The following NMNAT3 variants were observed in gnomAD, a reference collection of about 807,000 sequenced individuals.
The protein encoded by NMNAT3 is nicotinamide nucleotide adenylyltransferase 3.
Under a neutral mutation model 24.8 loss-of-function variants are expected in NMNAT3, and 21 were observed. The ratio of observed to expected loss-of-function variants is 0.85; its 90% CI spans 0.60 to 1.22. NMNAT3 has a LOEUF of 1.22. Ranked by LOEUF, NMNAT3 falls within the 50% of genes most tolerant of loss-of-function variation. NMNAT3 has a pLI of 0.00. For missense variants in NMNAT3, 387 were observed against 436.6 expected (o/e 0.89, Z 1.01); for synonymous variants, 136 against 155.2 (o/e 0.88, Z 0.92).
chr3:139,596,135 A>C (rs2054443992), intron 3 of NMNAT3, among the ~76,000 whole-genome samples: 1 of 152,256 alleles, frequency 6.6e-6, no homozygotes, highest in South Asian at 2.1e-4. Flanking sequence ...TTTTTCTCTG[A>C]CGAGTCAGCC....
intron 3 of NMNAT3, among the ~76,000 whole-genome samples, chr3:139,605,995 ATATTT>A (rs2054925891): frequency 6.6e-6 from 1 of 151,800 alleles, no homozygotes; most frequent in African/African-American, 2.4e-5. Context: ...GTAATTCTAC[ATATTT>A]TATTTTTAAA....
intron 3 of NMNAT3, among the ~76,000 whole-genome samples, chr3:139,593,993 A>G (rs1431443798): frequency 6.6e-6 from 1 of 151,690 alleles, no homozygotes; most frequent in African/African-American, 2.4e-5. Flanking sequence ...GAGACACAAA[A>G]AACCCTTCAA....
intron 3 of NMNAT3, among the ~76,000 whole-genome samples, chr3:139,623,857 G>C (rs1360037756): frequency 1.3e-5 from 2 of 152,164 alleles, no homozygotes; most frequent in African/African-American, 4.8e-5. Context: ...CTGGACAGGT[G>C]TGAACCACCA....
At chr3:139,677,135 G>A (rs1160046121) in intron 1 of NMNAT3, among the ~76,000 whole-genome samples, 3 of 152,166 alleles carry the variant, frequency 2.0e-5, no homozygotes, top group Admixed American at 1.3e-4. Context: ...TAAAGTTTTA[G>A]TTCCAGCAGC....
intron 3 of NMNAT3, among the ~76,000 whole-genome samples, chr3:139,595,166 AACAG>A (rs1301426774): frequency 6.6e-6 from 1 of 152,214 alleles, no homozygotes; most frequent in African/African-American, 2.4e-5. Flanking sequence ...ATACACCAGC[AACAG>A]ACAAACAGAG....
At chr3:139,610,635 T>G (rs2108254381) in intron 3 of NMNAT3, among the ~76,000 whole-genome samples, 1 of 152,330 alleles carries the variant, frequency 6.6e-6, no homozygotes, top group East Asian at 1.9e-4. Context: ...AGCCCAAGAT[T>G]AAAGCAACAT....
intron 6 of NMNAT3, chr3:139,571,174 T>C: frequency 1.3e-5 from 2 of 152,400 alleles, no homozygotes; most frequent in Non-Finnish European, 2.9e-5. Flanking sequence ...TCTCCTGGTG[T>C]GCCGTTTTTT....
At chr3:139,664,710 T>G (rs2057522104) in intron 1 of NMNAT3, among the ~76,000 whole-genome samples, 1 of 152,212 alleles carries the variant, frequency 6.6e-6, no homozygotes, top group Admixed American at 6.5e-5. Flanking sequence ...TTCAGTGAAG[T>G]TTCTCTTCCT....
intron 1 of NMNAT3, among the ~76,000 whole-genome samples, chr3:139,669,055 T>C (rs988070827): frequency 3.3e-5 from 5 of 152,244 alleles, no homozygotes; most frequent in African/African-American, 1.2e-4. Context: ...GTATGGCCTT[T>C]ATTTGTAGTG....
chr3:139,655,359 C>CTCAGG lies in NMNAT3; in HGVS notation c.-140-17302_-140-17298dup, dbSNP rs979632506. ...GGTCCCCTGAACAAGCTGAGCAGCTCTCAGGGATGCTTTCCTTTATTCACT... is the reference window on the plus strand; with the variant it reads ...GGTCCCCTGAACAAGCTGAGCAGCTCTCAGGTCAGGGATGCTTTCCTTTATTCACT... On this transcript the variant is annotated intron_variant, in intron 1 of 6. Coordinates refer to ENST00000643695, the MANE Select transcript of NMNAT3 (RefSeq NM_001320510.2). 5.7e-4 allele frequency among the ~76,000 whole-genome samples: 87 copies of CTCAGG among 152,300 alleles called. 1 individual carries two copies. The highest frequency in any genetic ancestry group is 2.0e-3 in the African/African-American group (84 of 41,556).
At chr3:139,653,459 T>C (rs1036341232) in intron 1 of NMNAT3, among the ~76,000 whole-genome samples, 2 of 152,234 alleles carry the variant, frequency 1.3e-5, no homozygotes, top group African/African-American at 2.4e-5. Context: ...ACCTACTCTT[T>C]CCTTTTATAC....
intron 1 of NMNAT3, among the ~76,000 whole-genome samples, chr3:139,647,802 T>C (rs899474183): frequency 6.6e-6 from 1 of 151,536 alleles, no homozygotes; most frequent in African/African-American, 2.4e-5. Flanking sequence ...TTCGAACTTT[T>C]GGCCTCCAAA....
intron 3 of NMNAT3, among the ~76,000 whole-genome samples, chr3:139,591,801 C>T (rs557050415): frequency 0.025 from 3,853 of 152,268 alleles, 93 homozygotes; most frequent in African/African-American, 0.086. Context: ...AGGACATCCA[C>T]ACCAAAAACC....
chr3:139,638,144 T>C (rs549163618), intron 1 of NMNAT3, 82 bp from the exon 2 acceptor site: 1 of 152,338 alleles, frequency 6.6e-6, no homozygotes, highest in African/African-American at 2.4e-5. Flanking sequence ...GCCTTCAAAA[T>C]GTGGTACTTC....
At chr3:139,571,856 T>G (rs1216250088) in intron 6 of NMNAT3, among the ~76,000 whole-genome samples, 1 of 152,152 alleles carries the variant, frequency 6.6e-6, no homozygotes, top group Non-Finnish European at 1.5e-5. Context: ...AGGTGAAGTG[T>G]GCGAGGATGG....
intron 3 of NMNAT3, among the ~76,000 whole-genome samples, chr3:139,593,399 C>A (rs1378483213): frequency 6.6e-6 from 1 of 152,080 alleles, no homozygotes; most frequent in Non-Finnish European, 1.5e-5. Flanking sequence ...TTAGACAGAT[C>A]AACGAGACAG....
chr3:139,596,916 GTATA>G (rs58824425), intron 3 of NMNAT3, among the ~76,000 whole-genome samples: 1,274 of 96,874 alleles, frequency 0.013, 50 homozygotes, highest in African/African-American at 0.025. Context: ...TGTCATGTGT[GTATA>G]TATATATATA....
chr3:139,560,738 C>A lies in NMNAT3; in HGVS notation c.*272G>T. Reference sequence around the variant, plus strand: ...ACACAAAATAAGTAGACCTCCTTGTCCAGCAGCTCTGAGAGATTCTGCCTA... The same window carrying A: ...ACACAAAATAAGTAGACCTCCTTGTACAGCAGCTCTGAGAGATTCTGCCTA... On this transcript the variant is annotated 3_prime_UTR_variant, in exon 7 of 7. Transcript: ENST00000643695. The A allele has an allele frequency of 2.4e-6, 1 of 418,350 alleles. No individual in the cohort carries two copies. Among genetic ancestry groups the A allele is most frequent in the Non-Finnish European group, 4.3e-6 (1 of 233,242 alleles). The allele number at this position is 418,350 out of a possible 1,614,324, so 25.9% of individuals were successfully genotyped here.
At chr3:139,632,920 T>A (rs1026005518) in intron 2 of NMNAT3, among the ~76,000 whole-genome samples, 1 of 152,184 alleles carries the variant, frequency 6.6e-6, no homozygotes, top group Non-Finnish European at 1.5e-5. Context: ...TAGCCTGGAT[T>A]ACTCAGTTTT....
Sources: gnomAD v4.1 joint callset for allele counts (sites outside exome capture counted in the v4.1 genomes callset) on GRCh38, gnomAD v4.1.1 for gene constraint, MANE v1.5 for transcripts, NCBI Gene and HGNC (gene_info 2026-07-23, HGNC 2026-07-21) for gene names.